Variants in PLEC observed in about 807,000 individuals in gnomAD.
The protein encoded by PLEC is hemidesmosomal protein 1.
A neutral mutation model predicts 392.8 loss-of-function variants in PLEC; 216 were observed. The ratio of observed to expected loss-of-function variants is 0.55; its 90% CI spans 0.49 to 0.62. The LOEUF (loss-of-function observed/expected upper bound fraction) is 0.62, where lower values mean the gene tolerates loss of function less well. Ranked by LOEUF, PLEC falls within the 20% of genes least tolerant of loss-of-function variation. PLEC has a pLI of 0.00. For missense variants in PLEC, 6,863 were observed against 6,563.4 expected (o/e 1.05, Z -1.58); for synonymous variants, 3,621 against 2,980.6 (o/e 1.21, Z -7.00).
Position 143,917,009 on chromosome 8 carries a change from G to T in PLEC, c.12812C>A (p.Ser4271Ter). The change falls in exon 32 of 32, where the codon TCA (serine) becomes TAA (stop). Residue 4271 changes from serine (S) to a stop codon, truncating the protein, a stop_gained. Coordinates refer to ENST00000345136, the MANE Select transcript of PLEC (RefSeq NM_201384.3). LOFTEE classifies it high-confidence loss of function. ...GGGGCCCGTCTCCTCAGTGGGGTCT[G>T]ACCAGGAGGCCAGCTGGGTCCTGGA... ...AVSRTQLASWSDPTEETGPVA... is the reference protein window; with the variant it reads ...AVSRTQLASW 6.2e-7 allele frequency: 1 copy of T among 1,612,596 alleles called. No homozygotes were observed. Among genetic ancestry groups the T allele is most frequent in the Non-Finnish European group, 8.5e-7 (1 of 1,179,750 alleles).
chr8:143,941,969 C>T (rs1216261903), upstream of PLEC, among the ~76,000 whole-genome samples: 3 of 152,178 alleles, frequency 2.0e-5, no homozygotes, highest in Non-Finnish European at 2.9e-5. Context: ...GCTGAGGTCC[C>T]GCAGCTAGTG....
chr8:143,965,774 C>T (rs1833057131), intron 1 of PLEC, among the ~76,000 whole-genome samples: 1 of 152,210 alleles, frequency 6.6e-6, no homozygotes, highest in South Asian at 2.1e-4. Flanking sequence ...GCAGTCTGGA[C>T]TGGCCACTGA....
chr8:143,952,168 G>A (rs370783993), upstream of PLEC, among the ~76,000 whole-genome samples: 4 of 147,992 alleles, frequency 2.7e-5, no homozygotes, highest in East Asian at 7.9e-4. Flanking sequence ...ATGGCGCCAC[G>A]GTGCAGGCTC....
At chr8:143,938,523 G>C in intron 2 of PLEC, 108 bp downstream of exon 2, 2 of 1,550,758 alleles carry the variant, frequency 1.3e-6, no homozygotes, top group Non-Finnish European at 1.8e-6. Context: ...GAGATGAAAG[G>C]TGAGCACACA....
Position 143,921,567 on chromosome 8 carries a change from CGTT to C in PLEC, c.8251_8253del (p.Asn2751del), listed in dbSNP as rs782093917. 6.2e-7 allele frequency: 1 copy of C among 1,612,580 alleles called. No homozygotes were observed. Among genetic ancestry groups the C allele is most frequent in the Admixed American group, 1.7e-5 (1 of 59,996 alleles). On this transcript the variant is annotated inframe_deletion, in exon 32 of 32. Coordinates refer to ENST00000345136, the MANE Select transcript of PLEC (RefSeq NM_201384.3). ...CCCACCACACCCTCCTTCACAGCCTCGTTGACGGTCAGCCGCCGGTTCCGCACA... is the reference window on the plus strand; with the variant it reads ...CCCACCACACCCTCCTTCACAGCCTCGACGGTCAGCCGCCGGTTCCGCACA...
rs782244583 is a variant in PLEC, at chr8:143,929,982, C to T, written c.2693G>A (p.Ser898Asn). 1 of 1,611,786 alleles carries T rather than the reference C, an allele frequency of 6.2e-7. No homozygotes were observed. Among genetic ancestry groups the T allele is most frequent in the East Asian group, 2.2e-5 (1 of 44,868 alleles). The change falls in exon 22 of 32, where the codon AGC becomes AAC. Residue 898 changes from serine to asparagine, a missense_variant. By Grantham distance (46) the Ser-to-Asn change is conservative (BLOSUM62 1). Transcript: ENST00000345136. ...VDMKSLLAWQ[S>N]LRRDVQLIRS... The stretch of plus-strand genomic sequence containing the variant: ...GATGAGCTGCACGTCGCGGCGAAGG[C>T]TCTGCCAGGCCAGAAGGCTCTTCAT...
rs936057413 is a variant in PLEC, at chr8:143,969,809, G to A, written c.70+3594C>T. Among the ~76,000 whole-genome samples, 1 of 151,992 alleles carries A rather than the reference G, an allele frequency of 6.6e-6. No individual in the cohort carries two copies. Among genetic ancestry groups the A allele is most frequent in the Non-Finnish European group, 1.5e-5 (1 of 67,986 alleles). Reference sequence around the variant, plus strand: ...GATGGGAGTGGGGCTTAGGGGTGCTGTGAGGTGGTCCTGGAGAGGGCAGCA... The same window carrying A: ...GATGGGAGTGGGGCTTAGGGGTGCTATGAGGTGGTCCTGGAGAGGGCAGCA... On this transcript the variant is annotated intron_variant, in intron 1 of 31. Transcript: ENST00000356346. This position sits in a 1 kb window ranked among gnomAD's most constrained non-coding sequence, Gnocchi z 5.1.
Position 143,932,415 on chromosome 8 carries a change from C to T in PLEC, c.1962G>A (p.Lys654=), listed in dbSNP as rs782642106. The stretch of plus-strand genomic sequence containing the variant: ...CACCGCTCACCGAGTAGCTCTCCTT[C>T]TTGGCGGTCATGTTGGTGTTGCGGT... ...WSDRNTNMTA[K]KESYSALMRE... is the part of the protein sequence containing the mutation. The change falls in exon 16 of 32, where the codon AAG becomes AAA. Residue 654 remains lysine (K), a synonymous_variant. Transcript: ENST00000345136. 1 of 1,612,946 alleles carries T rather than the reference C, an allele frequency of 6.2e-7. No homozygotes were observed. Among genetic ancestry groups the T allele is most frequent in the African/African-American group, 1.3e-5 (1 of 75,046 alleles).
exon 1 of PLEC, chr8:143,950,343 G>A (rs782567441): frequency 2.5e-6 from 4 of 1,581,368 alleles, no homozygotes; most frequent in Non-Finnish European, 2.6e-6. Context: ...GAGCCCAGGG[G>A]ACCCTGCACA....
upstream of PLEC, among the ~76,000 whole-genome samples, chr8:143,974,511 G>A (rs1249005139): frequency 6.6e-6 from 1 of 152,238 alleles, no homozygotes; most frequent in Non-Finnish European, 1.5e-5. The surrounding 1 kb of genome is among the most constrained non-coding windows in gnomAD (Gnocchi z 5.9). Context: ...TACCAGCCCC[G>A]CTTCCCGTCG....
chr8:143,934,387 T>C lies in PLEC; in HGVS notation c.1100A>G (p.Glu367Gly), dbSNP rs782162784. Residue 367 changes from glutamate to glycine, a missense_variant, in exon 11 of 32, where the codon GAG (glutamate) becomes GGG (glycine). Glu to Gly is a moderately conservative substitution (Grantham distance 98). Transcript: ENST00000345136. The part of the protein sequence containing the change: ...VPPGYHPLDV[E>G]KEWGKLHVAI... ...CACGTGCAGCTTGCCCCACTCCTTC[T>C]CCACATCCAGCGGGTGGTAGCCAGG... 1 of 1,612,546 alleles carries C rather than the reference T, an allele frequency of 6.2e-7. No homozygotes were observed. Among genetic ancestry groups the C allele is most frequent in the Admixed American group, 1.7e-5 (1 of 60,014 alleles).
chr8:143,917,527 G>A lies in PLEC; in HGVS notation c.12294C>T (p.Asn4098=), dbSNP rs1554672282. Residue 4098 remains asparagine (N), a synonymous_variant, in exon 32 of 32, where the codon AAC becomes AAT. Transcript: ENST00000345136. The part of the protein sequence containing the change: ...KGFFDPNTEE[N]LTYLQLMERC... ...GCTCCATCAGCTGCAGGTAGGTGAG[G>A]TTCTCCTCCGTGTTAGGGTCAAAGA... 4 of 1,613,934 alleles carry A rather than the reference G, an allele frequency of 2.5e-6. No individual in the cohort carries two copies. The highest frequency in any genetic ancestry group is 2.2e-5 in the East Asian group (1 of 44,880).
chr8:143,950,788 C>T (rs1832067461), exon 1 of PLEC: 3 of 1,527,484 alleles, frequency 2.0e-6, no homozygotes, highest in African/African-American at 2.7e-5. Flanking sequence ...CTGCGAGAAG[C>T]TCCCGCGCTA....
At chr8:143,933,563 C>T (rs1400722158) in intron 12 of PLEC, among the ~76,000 whole-genome samples, 1 of 152,178 alleles carries the variant, frequency 6.6e-6, no homozygotes, top group Non-Finnish European at 1.5e-5. Context: ...TTAGCCCAGT[C>T]CAAGAACCGA....
chr8:143,928,397 C>T (rs910399944), intron 25 of PLEC, among the ~76,000 whole-genome samples: 4 of 152,264 alleles, frequency 2.6e-5, no homozygotes, highest in East Asian at 1.9e-4. Context: ...TGGTAGCCAG[C>T]GGCGGCCCTA....
At chr8:143,972,424 A>C (rs1039469479) in intron 1 of PLEC, among the ~76,000 whole-genome samples, 6 of 152,170 alleles carry the variant, frequency 3.9e-5, no homozygotes, top group Admixed American at 6.5e-5. Flanking sequence ...CCGTCGCTGG[A>C]GGACGCCTGA....
At chr8:143,961,813 A>G (rs1832885313) in intron 1 of PLEC, among the ~76,000 whole-genome samples, 1 of 152,158 alleles carries the variant, frequency 6.6e-6, no homozygotes, top group African/African-American at 2.4e-5. Context: ...ACACTAAAGA[A>G]CACTGTGCAT....
chr8:143,927,548 G>A lies in PLEC; in HGVS notation c.3618C>T (p.Gly1206=), dbSNP rs782127064. Residue 1206 remains glycine (G), a synonymous_variant, in exon 27 of 32, where the codon GGC becomes GGT. Coordinates refer to ENST00000345136, the MANE Select transcript of PLEC (RefSeq NM_201384.3). Reference sequence around the variant, plus strand: ...TCTCGCGGTAGTAACGCAGCTGGCGGCCCAGTTGCTCGAGCTCGCGCTGCC... The same window carrying A: ...TCTCGCGGTAGTAACGCAGCTGGCGACCCAGTTGCTCGAGCTCGCGCTGCC... ...DVRQRELEQL[G]RQLRYYRESA... is the part of the protein sequence containing the mutation. The A allele has an allele frequency of 6.3e-7, 1 of 1,595,978 alleles. No homozygotes were observed. The highest frequency in any genetic ancestry group is 2.2e-5 in the East Asian group (1 of 44,682).
At chr8:143,939,636 C>G (rs782104948), upstream of PLEC, 368 of 1,423,678 alleles carry the variant, frequency 2.6e-4, no homozygotes, top group Middle Eastern at 3.1e-3. Context: ...TACTCCCCGG[C>G]GAGGCCGGCC....
Sources: allele counts gnomAD v4.1 joint callset (sites outside exome capture counted in the v4.1 genomes callset), GRCh38; gene constraint gnomAD v4.1.1; non-coding constraint Gnocchi (gnomAD v3.1); transcripts MANE v1.5; gene names NCBI Gene and HGNC (gene_info 2026-07-23, HGNC 2026-07-21).